The following DAPP1 variants were observed in gnomAD, a reference collection of about 807,000 sequenced individuals.
DAPP1 encodes dual adapter for phosphotyrosine and 3-phosphotyrosine and 3-phosphoinositide.
In DAPP1, 20 loss-of-function variants were observed where a neutral mutation model predicts 41.5. The ratio of observed to expected loss-of-function variants is 0.48; its 90% CI spans 0.34 to 0.70. The LOEUF (loss-of-function observed/expected upper bound fraction) is 0.70. Ranked by LOEUF, DAPP1 falls within the 30% of genes least tolerant of loss-of-function variation. DAPP1 has a pLI of 0.01. For synonymous variants in DAPP1, 113 were observed against 116.2 expected, an observed-to-expected ratio of 0.97 and a Z score of 0.18; for missense variants, 233 against 333.4, an observed-to-expected ratio of 0.70 and a Z score of 2.35.
At chr4:99,825,008 G>A (rs1031258633) in intron 1 of DAPP1, among the ~76,000 whole-genome samples, 5 of 152,066 alleles carry the variant, frequency 3.3e-5, no homozygotes, top group African/African-American at 1.2e-4. Context: ...TGACTTCCCT[G>A]GGTATGTTGG....
chr4:99,818,283 C>T (rs1722656910), intron 1 of DAPP1, among the ~76,000 whole-genome samples: 1 of 152,240 alleles, frequency 6.6e-6, no homozygotes, highest in East Asian at 1.9e-4. Flanking sequence ...AGGTAAAAGG[C>T]CCTTCTGTGA....
chr4:99,861,705 T>C (rs1288319952), intron 5 of DAPP1, 80 bp downstream of exon 5: 7 of 1,476,242 alleles, frequency 4.7e-6, no homozygotes, highest in South Asian at 1.2e-5. Flanking sequence ...ATCTTGATAG[T>C]TTTTCTTGGA....
chr4:99,824,131 A>C (rs1722862979), intron 1 of DAPP1, among the ~76,000 whole-genome samples: 6 of 152,212 alleles, frequency 3.9e-5, no homozygotes, highest in Admixed American at 2.6e-4. Context: ...ACCATTTTGC[A>C]GATGTCAGTC....
chr4:99,816,910 G>A lies in DAPP1; in HGVS notation c.-4G>A, dbSNP rs377028864. ...CTCTCTCTCTACCTCTGTGAAGGGC[G>A]CGAATGGGCAGAGCAGAACTTCTAG... On this transcript the variant is annotated 5_prime_UTR_variant, in exon 1 of 9. Coordinates refer to ENST00000512369, the MANE Select transcript of DAPP1 (RefSeq NM_014395.3). The A allele has an allele frequency of 1.1e-4, 180 of 1,603,294 alleles. No individual in the cohort carries two copies. Among genetic ancestry groups the A allele is most frequent in the Middle Eastern group, 1.7e-4 (1 of 6,048 alleles).
chr4:99,862,979 G>A (rs1374915722), intron 5 of DAPP1, 31 bp from the exon 6 acceptor site: 1 of 1,523,028 alleles, frequency 6.6e-7, no homozygotes, highest in Non-Finnish European at 8.9e-7. Context: ...TTGTGTGTCT[G>A]TGTGTTTGTG....
chr4:99,825,121 T>G lies in DAPP1; in HGVS notation c.101+8107T>G, dbSNP rs577310780. On this transcript the variant is annotated intron_variant, in intron 1 of 8. Coordinates refer to ENST00000512369, the MANE Select transcript of DAPP1 (RefSeq NM_014395.3). The stretch of plus-strand genomic sequence containing the variant: ...TGTCTCCTGGATCACTCTTTGGGTC[T>G]GCATGTGCATTCCCTAAGTCTCTGT... Among the ~76,000 whole-genome samples the G allele has an allele frequency of 9.8e-5, 15 of 152,344 alleles. No individual in the cohort carries two copies. In the East Asian group the frequency reaches 2.9e-3, roughly 29 times the overall value.
chr4:99,841,034 T>C (rs937798132), intron 3 of DAPP1, among the ~76,000 whole-genome samples: 1 of 152,204 alleles, frequency 6.6e-6, no homozygotes, highest in Non-Finnish European at 1.5e-5. Flanking sequence ...AGATTGAACA[T>C]CTTGTTTATT....
chr4:99,827,670 C>T (rs946175316), intron 1 of DAPP1, among the ~76,000 whole-genome samples: 2 of 152,092 alleles, frequency 1.3e-5, no homozygotes, highest in Non-Finnish European at 2.9e-5. Flanking sequence ...TGTGAAGAAA[C>T]TAATGCATTC....
rs1478856158 is a variant in DAPP1, at chr4:99,840,376, T to C, written c.312T>C (p.Asp104=). 2 of 1,611,738 alleles carry C rather than the reference T, an allele frequency of 1.2e-6. No individual in the cohort carries two copies. The highest frequency in any genetic ancestry group is 8.5e-7 in the Non-Finnish European group (1 of 1,179,232). The change falls in exon 3 of 9, where the codon GAT becomes GAC. Residue 104 remains aspartate, a synonymous_variant. Coordinates refer to ENST00000512369, the MANE Select transcript of DAPP1 (RefSeq NM_014395.3). ...FGFNEFSSLK[D]FVKHFANQPL... ...TTAATGAATTCTCATCTTTGAAGGA[T>C]TTTGTCAAGCATTTTGCAAATCAGC...
At chr4:99,860,759 A>G (rs1321547044) in intron 4 of DAPP1, among the ~76,000 whole-genome samples, 1 of 152,238 alleles carries the variant, frequency 6.6e-6, no homozygotes, top group Admixed American at 6.5e-5. Context: ...ACTAAGACAT[A>G]TGATGACATC....
At chr4:99,817,150 T>C in intron 1 of DAPP1, 136 bp downstream of exon 1, 1 of 591,358 alleles carries the variant, frequency 1.7e-6, no homozygotes, top group Admixed American at 3.4e-5. Flanking sequence ...TTTTTTCCAC[T>C]TTATTCATTT....
intron 4 of DAPP1, among the ~76,000 whole-genome samples, chr4:99,857,871 T>C (rs188927239): frequency 6.6e-6 from 1 of 152,312 alleles, no homozygotes; most frequent in East Asian, 1.9e-4. Flanking sequence ...ATTATTTGAG[T>C]ATATCAATTT....
intron 1 of DAPP1, among the ~76,000 whole-genome samples, chr4:99,830,327 G>A (rs533041955): frequency 1.3e-5 from 2 of 152,116 alleles, no homozygotes; most frequent in East Asian, 1.9e-4. Flanking sequence ...AGGTTGCAGT[G>A]AGCCAAGATC....
chr4:99,836,664 C>T (rs1306798539), intron 2 of DAPP1, among the ~76,000 whole-genome samples: 1 of 152,208 alleles, frequency 6.6e-6, no homozygotes, highest in Middle Eastern at 3.2e-3. Flanking sequence ...TCCCAGTCTA[C>T]ACGGTCACTA....
downstream of DAPP1, among the ~76,000 whole-genome samples, chr4:99,870,684 AGT>A (rs1724610374): frequency 6.6e-6 from 1 of 152,168 alleles, no homozygotes; most frequent in Non-Finnish European, 1.5e-5. Context: ...GAGAAAAGAG[AGT>A]GGGCTATCTG....
At chr4:99,859,678 G>A (rs563626472) in intron 4 of DAPP1, among the ~76,000 whole-genome samples, 1 of 152,110 alleles carries the variant, frequency 6.6e-6, no homozygotes, top group Non-Finnish European at 1.5e-5. Context: ...CCCTTACCCC[G>A]ACACTCCAAC....
At chr4:99,833,375 G>T (rs1432415158) in intron 1 of DAPP1, among the ~76,000 whole-genome samples, 1 of 152,182 alleles carries the variant, frequency 6.6e-6, no homozygotes, top group Non-Finnish European at 1.5e-5. Flanking sequence ...AAGCATCTCT[G>T]CCCCAAAGAT....
chr4:99,857,675 GA>G (rs968946708), intron 4 of DAPP1, among the ~76,000 whole-genome samples: 221 of 132,346 alleles, frequency 1.7e-3, no homozygotes, highest in Non-Finnish European at 2.1e-3. Flanking sequence ...TCTTTTACTT[GA>G]AAAAAAAAAG....
Position 99,817,032 on chromosome 4 carries a change from CT to C in DAPP1, c.101+21del. ...GACTTGGGGTAAGGCAGCAGATCTC[CT>C]TTCAAAGTACCTAGTGGGTGGACAT... is the stretch of plus-strand genomic sequence containing the variant. On this transcript the variant is annotated intron_variant, in intron 1 of 8. Transcript: ENST00000512369. 2 of 1,572,874 alleles carry C rather than the reference CT, an allele frequency of 1.3e-6. No homozygotes were observed. The highest frequency in any genetic ancestry group is 8.6e-7 in the Non-Finnish European group (1 of 1,156,638).
Sources: gnomAD v4.1 joint callset for allele counts (sites outside exome capture counted in the v4.1 genomes callset) on GRCh38, gnomAD v4.1.1 for gene constraint, MANE v1.5 for transcripts, NCBI Gene and HGNC (gene_info 2026-07-23, HGNC 2026-07-21) for gene names.